Variants in RANBP2 observed in about 807,000 individuals in gnomAD.
RANBP2 encodes RAN binding protein 2.
RANBP2 carries 57 observed loss-of-function variants against 303.6 expected under a neutral mutation model. The ratio of observed to expected loss-of-function variants is 0.19; its 90% CI spans 0.15 to 0.23. The LOEUF (loss-of-function observed/expected upper bound fraction) is 0.23. Ranked by LOEUF, RANBP2 falls within the 10% of genes least tolerant of loss-of-function variation. The pLI is 1.00. For synonymous variants in RANBP2, 1,167 were observed against 1,301.5 expected, an observed-to-expected ratio of 0.90 and a Z score of 2.23; for missense variants, 3,138 against 3,780.8, an observed-to-expected ratio of 0.83 and a Z score of 4.46.
the RANBP2 span, among the ~76,000 whole-genome samples, chr2:109,293,758 A>C: frequency 6.6e-6 from 1 of 152,222 alleles, no homozygotes; most frequent in African/African-American, 2.4e-5. Flanking sequence ...AGCCATGTGA[A>C]CAGGGTGCAC....
the RANBP2 span, among the ~76,000 whole-genome samples, chr2:109,050,441 T>TA: frequency 2.6e-5 from 4 of 151,590 alleles, no homozygotes; most frequent in Non-Finnish European, 5.9e-5. Flanking sequence ...TTTGTAGAGA[T>TA]GGGGGGTCTC....
chr2:109,486,654 A>AT, the RANBP2 span, among the ~76,000 whole-genome samples: 1 of 152,122 alleles, frequency 6.6e-6, no homozygotes, highest in Non-Finnish European at 1.5e-5. Context: ...GGTGGTGGGG[A>AT]TGCAGAGCCG....
At chr2:109,335,350 G>A in the RANBP2 span, among the ~76,000 whole-genome samples, 2 of 152,108 alleles carry the variant, frequency 1.3e-5, no homozygotes, top group Non-Finnish European at 2.9e-5. Context: ...ACTCTCAATG[G>A]CGTTTATTTC....
chr2:108,880,435 A>G, the RANBP2 span, among the ~76,000 whole-genome samples: 1 of 152,292 alleles, frequency 6.6e-6, no homozygotes, highest in Non-Finnish European at 1.5e-5. Flanking sequence ...TGAATTATGA[A>G]CTTTCTTAAT....
At chr2:109,597,405 T>C in the RANBP2 span, among the ~76,000 whole-genome samples, 5 of 152,330 alleles carry the variant, frequency 3.3e-5, no homozygotes, top group Admixed American at 2.6e-4. Flanking sequence ...GACCACCCAC[T>C]TAGTATGTGT....
intron 28 of RANBP2, among the ~76,000 whole-genome samples, chr2:108,783,261 G>A (rs1261503847): frequency 2.1e-5 from 3 of 145,898 alleles, no homozygotes; most frequent in Non-Finnish European, 3.0e-5. Context: ...CATCCAGGAG[G>A]CCAAGGCTGC....
chr2:109,498,796 A>AC, the RANBP2 span, among the ~76,000 whole-genome samples: 1 of 152,184 alleles, frequency 6.6e-6, no homozygotes, highest in Admixed American at 6.5e-5. Flanking sequence ...GGTTGGGTAA[A>AC]CAGGTGAATG....
At chr2:108,969,488 C>T in the RANBP2 span, among the ~76,000 whole-genome samples, 1 of 152,214 alleles carries the variant, frequency 6.6e-6, no homozygotes, top group Non-Finnish European at 1.5e-5. Flanking sequence ...CATACAGGTC[C>T]TGGCCCCGAG....
At chr2:108,843,886 CT>C in the RANBP2 span, among the ~76,000 whole-genome samples, 241 of 93,958 alleles carry the variant, frequency 2.6e-3, 16 homozygotes, top group African/African-American at 7.6e-3. Flanking sequence ...GTGTTTCTTT[CT>C]TTTTTTTTTT....
chr2:109,219,795 T>A, the RANBP2 span, among the ~76,000 whole-genome samples: 1 of 152,214 alleles, frequency 6.6e-6, no homozygotes, highest in South Asian at 2.1e-4. Flanking sequence ...TAAGTGGAAA[T>A]GCATCTCTTG....
At chr2:109,443,406 C>A in the RANBP2 span, among the ~76,000 whole-genome samples, 3 of 152,212 alleles carry the variant, frequency 2.0e-5, no homozygotes, top group African/African-American at 7.2e-5. Context: ...CTTGTTCAAC[C>A]TCAGCTGGGA....
the RANBP2 span, chr2:109,502,166 G>C: frequency 6.5e-6 from 1 of 153,452 alleles, no homozygotes; most frequent in African/African-American, 2.4e-5. Context: ...CCGCCCGGCT[G>C]CTCAGCAGGG....
At chr2:109,641,793 G>A in the RANBP2 span, among the ~76,000 whole-genome samples, 50 of 151,782 alleles carry the variant, frequency 3.3e-4, no homozygotes. Context: ...TGTGACAATT[G>A]CACAATGTGA....
the RANBP2 span, among the ~76,000 whole-genome samples, chr2:109,132,560 T>C: frequency 6.6e-6 from 1 of 152,174 alleles, no homozygotes; most frequent in Non-Finnish European, 1.5e-5. Context: ...GGAAATAATA[T>C]ACCCAGTGAC....
chr2:108,734,613 G>C (rs1201168254), intron 4 of RANBP2, among the ~76,000 whole-genome samples: 1 of 151,664 alleles, frequency 6.6e-6, no homozygotes, highest in East Asian at 1.9e-4. Context: ...GTGTTTACAG[G>C]TGTTTAAAAC....
chr2:109,025,142 T>C, the RANBP2 span, among the ~76,000 whole-genome samples: 1 of 152,242 alleles, frequency 6.6e-6, no homozygotes, highest in African/African-American at 2.4e-5. Context: ...CTTGTTTCAC[T>C]TGGGTTTTCA....
At chr2:109,259,439 G>A in the RANBP2 span, among the ~76,000 whole-genome samples, 53 of 152,380 alleles carry the variant, frequency 3.5e-4, no homozygotes, top group South Asian at 5.6e-3. Context: ...GCTGGGTTGT[G>A]TGACGGTGGT....
chr2:109,187,882 G>A, the RANBP2 span, among the ~76,000 whole-genome samples: 2 of 152,152 alleles, frequency 1.3e-5, no homozygotes, highest in Admixed American at 1.3e-4. Context: ...TCCTGCCGCC[G>A]TCACCGTGGG....
chr2:109,437,685 G>A, the RANBP2 span, among the ~76,000 whole-genome samples: 1 of 151,452 alleles, frequency 6.6e-6, no homozygotes, highest in South Asian at 2.1e-4. Flanking sequence ...AGGAATGACA[G>A]CTGTTGATCC....
Sources: gnomAD v4.1 joint callset for allele counts (sites outside exome capture counted in the v4.1 genomes callset) on GRCh38, gnomAD v4.1.1 for gene constraint, MANE v1.5 for transcripts, NCBI Gene and HGNC (gene_info 2026-07-23, HGNC 2026-07-21) for gene names.